TANGO2: variants seen among roughly 807,000 people sequenced by gnomAD.
TANGO2 encodes the protein transport and golgi organization 2 homolog, also known as transport and Golgi organization protein 2 homolog.
Under a neutral mutation model 39.1 loss-of-function variants are expected in TANGO2, and 26 were observed. The ratio of observed to expected loss-of-function variants is 0.67; its 90% CI spans 0.49 to 0.92. The LOEUF is 0.92. Ranked by LOEUF, TANGO2 falls within the 40% of genes least tolerant of loss-of-function variation. TANGO2 has a pLI of 0.00. For missense variants in TANGO2, 326 were observed against 360.1 expected (o/e 0.91, Z 0.77); for synonymous variants, 131 against 144.5 (o/e 0.91, Z 0.67).
intron 1 of TANGO2, among the ~76,000 whole-genome samples, chr22:20,023,338 T>C (rs1303494132): frequency 6.6e-6 from 1 of 152,116 alleles, no homozygotes; most frequent in African/African-American, 2.4e-5. Flanking sequence ...CAGGGGCCGC[T>C]GCGAGGCTGG....
At chr22:20,044,102 C>T (rs1015066972) in intron 3 of TANGO2, among the ~76,000 whole-genome samples, 1 of 152,160 alleles carries the variant, frequency 6.6e-6, no homozygotes, top group South Asian at 2.1e-4. Context: ...GGTGAGGCCA[C>T]GGGTTACTCT....
At chr22:20,034,980 A>G (rs1411896198) in intron 1 of TANGO2, among the ~76,000 whole-genome samples, 1 of 152,242 alleles carries the variant, frequency 6.6e-6, no homozygotes, top group Non-Finnish European at 1.5e-5. Context: ...GATTGCCCCT[A>G]GTAGCCTGCC....
At chr22:20,050,969 A>G (rs79393192) in intron 3 of TANGO2, among the ~76,000 whole-genome samples, 24,141 of 150,264 alleles carry the variant, frequency 0.16, 2,685 homozygotes, top group East Asian at 0.52. Flanking sequence ...CTGGGATTAT[A>G]GGCTGCCTCA....
chr22:20,061,398 A>G (rs2048354285), intron 6 of TANGO2, 132 bp from the exon 7 acceptor site: 14 of 997,186 alleles, frequency 1.4e-5, no homozygotes, highest in Non-Finnish European at 2.0e-5. Context: ...TGGAGCATGG[A>G]GCGGCTTGGC....
chr22:20,052,286 G>A (rs1440609744), intron 3 of TANGO2, among the ~76,000 whole-genome samples, 179 bp from the exon 4 acceptor site: 1 of 152,226 alleles, frequency 6.6e-6, no homozygotes, highest in Non-Finnish European at 1.5e-5. Context: ...GGGCTGCCTG[G>A]CCTTGAAGAG....
At chr22:20,031,294 G>A (rs2041813696) in intron 1 of TANGO2, among the ~76,000 whole-genome samples, 1 of 152,208 alleles carries the variant, frequency 6.6e-6, no homozygotes, top group Admixed American at 6.5e-5. Flanking sequence ...AGGAGTTCGA[G>A]GCTGCAGTGA....
intron 1 of TANGO2, among the ~76,000 whole-genome samples, chr22:20,032,120 G>A (rs890992510): frequency 1.3e-5 from 2 of 152,224 alleles, no homozygotes; most frequent in Non-Finnish European, 2.9e-5. Context: ...GTGGTGCCCT[G>A]GCCCAGCCTC....
chr22:20,038,736 T>G (rs1357333243), intron 2 of TANGO2, among the ~76,000 whole-genome samples: 2 of 152,106 alleles, frequency 1.3e-5, no homozygotes, highest in Non-Finnish European at 2.9e-5. Context: ...GGTGGCTGCT[T>G]CTGCTCTGCC....
intron 5 of TANGO2, chr22:20,055,718 C>T (rs985497828): frequency 1.2e-5 from 7 of 595,146 alleles, no homozygotes; most frequent in South Asian, 9.9e-5. Flanking sequence ...TGGTGGGCCC[C>T]GAGGTGAGCT....
chr22:20,017,095 A>AT (rs1945238797), upstream of TANGO2: 1 of 151,938 alleles, frequency 6.6e-6, no homozygotes, highest in African/African-American at 2.4e-5. Flanking sequence ...TTACGAGAAC[A>AT]TCCCCCGACC....
chr22:20,026,647 C>T (rs951138528), intron 1 of TANGO2, among the ~76,000 whole-genome samples: 1 of 152,284 alleles, frequency 6.6e-6, no homozygotes, highest in Non-Finnish European at 1.5e-5. Context: ...GCCCACATCA[C>T]ACCAGCTGCA....
At position 20,033,252 on chromosome 22, in the gene TANGO2, T is replaced by A. The variant is rs774902368; in HGVS notation, c.-39-3508T>A. Reference sequence around the variant, plus strand: ...GCGTCTTCGTCGAGGCCACAGCCCTTGGCTCTGCGCCCACACCTCCAGTGC... The same window carrying A: ...GCGTCTTCGTCGAGGCCACAGCCCTAGGCTCTGCGCCCACACCTCCAGTGC... On this transcript the variant is annotated intron_variant, in intron 1 of 8. Coordinates refer to ENST00000327374, the MANE Select transcript of TANGO2 (RefSeq NM_152906.7). The A allele has an allele frequency of 9.5e-6, 5 of 526,184 alleles. No individual in the cohort carries two copies. In the African/African-American group the frequency reaches 9.7e-5, roughly 10 times the overall value. The allele number at this position is 526,184 out of a possible 1,614,324, so 32.6% of individuals were successfully genotyped here.
chr22:20,043,230 C>T (rs528734261), intron 2 of TANGO2, 125 bp from the exon 3 acceptor site: 9 of 694,462 alleles, frequency 1.3e-5, no homozygotes, highest in Non-Finnish European at 1.8e-5. Flanking sequence ...GCAGGACTGC[C>T]GGCTTCCTGC....
chr22:20,046,026 A>G (rs1054118084), intron 3 of TANGO2, among the ~76,000 whole-genome samples: 9 of 151,998 alleles, frequency 5.9e-5, no homozygotes, highest in Non-Finnish European at 1.0e-4. Context: ...CCAGTGTCAT[A>G]TAGTCTCCTC....
intron 3 of TANGO2, among the ~76,000 whole-genome samples, 184 bp downstream of exon 3, chr22:20,043,627 A>C (rs1438737072): frequency 2.0e-5 from 3 of 152,116 alleles, no homozygotes; most frequent in African/African-American, 4.8e-5. Context: ...CTGCCCACCC[A>C]GCACTGTCTG....
chr22:20,055,773 C>T, intron 5 of TANGO2, 170 bp from the exon 6 acceptor site: 1 of 641,482 alleles, frequency 1.6e-6, no homozygotes, highest in Non-Finnish European at 2.8e-6. Flanking sequence ...GCCTCCATGA[C>T]CCCGCCTGCC....
chr22:20,033,276 G>A lies in TANGO2; in HGVS notation c.-39-3484G>A. On this transcript the variant is annotated intron_variant, in intron 1 of 8. Coordinates refer to ENST00000327374, the MANE Select transcript of TANGO2 (RefSeq NM_152906.7). ...TTGGCTCTGCGCCCACACCTCCAGTGCCAGGCTGTCCGGAGATCTGTTTAT... is the reference window on the plus strand; with the variant it reads ...TTGGCTCTGCGCCCACACCTCCAGTACCAGGCTGTCCGGAGATCTGTTTAT... 5.8e-6 allele frequency: 3 copies of A among 516,164 alleles called. No homozygotes were observed. The Admixed American group carries it at 6.1e-5, about 10-fold the overall frequency. The allele number at this position is 516,164 out of a possible 1,614,324, so 32.0% of individuals were successfully genotyped here.
intron 6 of TANGO2, chr22:20,056,725 G>T (rs544361766): frequency 2.2e-6 from 1 of 456,558 alleles, no homozygotes; most frequent in East Asian, 7.0e-5. Context: ...CTGGTGCCAG[G>T]ACAAAGCAGC....
chr22:20,063,280 C>G (rs543296607), intron 7 of TANGO2, 58 bp from the exon 8 acceptor site: 1 of 1,544,126 alleles, frequency 6.5e-7, no homozygotes, highest in Admixed American at 1.7e-5. Flanking sequence ...TGGGGCTAGA[C>G]CCGGCTGCGG....
Sources: gnomAD v4.1 joint callset for allele counts (sites outside exome capture counted in the v4.1 genomes callset) on GRCh38, gnomAD v4.1.1 for gene constraint, MANE v1.5 for transcripts, NCBI Gene and HGNC (gene_info 2026-07-23, HGNC 2026-07-21) for gene names.